FSHR: variants seen among roughly 807,000 people sequenced by gnomAD.
FSHR encodes the protein follicle stimulating hormone receptor, also known as follicle-stimulating hormone receptor.
In FSHR, 46 loss-of-function variants were observed where a neutral mutation model predicts 52.1. That is an observed-to-expected ratio of 0.88 (90% confidence interval 0.70 to 1.13). FSHR has a LOEUF of 1.13. FSHR is among the 50% of genes most tolerant of loss of function. The pLI, the probability that FSHR is intolerant of heterozygous loss-of-function variation, is 0.00. For synonymous variants in FSHR, 399 were observed against 309.6 expected, an observed-to-expected ratio of 1.29 and a Z score of -3.03; for missense variants, 964 against 834.6, an observed-to-expected ratio of 1.16 and a Z score of -1.91.
chr2:49,140,765 G>C lies in FSHR; in HGVS notation c.152+13501C>G, dbSNP rs145230371. 4.5e-3 allele frequency among the ~76,000 whole-genome samples: 677 copies of C among 151,834 alleles called. 16 individuals are homozygous for C. The highest frequency in any genetic ancestry group is 0.035 in the Admixed American group (532 of 15,252). The stretch of plus-strand genomic sequence containing the variant: ...ACATCTAGAAATAAATCTTAGAAAA[G>C]GCTATGAGGTCATGATAGATCAATA... On this transcript the variant is annotated intron_variant, in intron 1 of 9. Coordinates refer to ENST00000406846, the MANE Select transcript of FSHR (RefSeq NM_000145.4).
chr2:49,151,827 T>C (rs1673074066), intron 1 of FSHR, among the ~76,000 whole-genome samples: 1 of 152,164 alleles, frequency 6.6e-6, no homozygotes, highest in Non-Finnish European at 1.5e-5. Flanking sequence ...TCAGTCTTTT[T>C]AAGGAAGCAA....
chr2:49,032,861 C>T (rs1334281916), intron 2 of FSHR, among the ~76,000 whole-genome samples: 1 of 152,138 alleles, frequency 6.6e-6, no homozygotes, highest in Non-Finnish European at 1.5e-5. Flanking sequence ...TTCCATGATA[C>T]ATTGTCTTTA....
At chr2:48,968,649 A>G (rs764113893) in intron 9 of FSHR, 49 bp downstream of exon 9, 2 of 1,597,436 alleles carry the variant, frequency 1.3e-6, no homozygotes, top group Non-Finnish European at 1.7e-6. Context: ...TTGTGGACAA[A>G]GTTCTACATT....
intron 2 of FSHR, among the ~76,000 whole-genome samples, chr2:49,063,359 T>C (rs903120102): frequency 3.9e-5 from 6 of 152,120 alleles, no homozygotes; most frequent in African/African-American, 7.2e-5. Flanking sequence ...TGATGTTTAT[T>C]GTAGCACTAT....
chr2:49,097,907 A>G (rs11903279), intron 1 of FSHR, among the ~76,000 whole-genome samples: 3 of 152,030 alleles, frequency 2.0e-5, no homozygotes, highest in East Asian at 1.9e-4. Flanking sequence ...ATTTGCACAC[A>G]TGGATTTTTA....
chr2:49,011,666 G>T (rs998159891), intron 4 of FSHR, among the ~76,000 whole-genome samples: 7 of 151,954 alleles, frequency 4.6e-5, no homozygotes, highest in Non-Finnish European at 8.8e-5. Flanking sequence ...CAATGTTAAG[G>T]TTCCTACTTT....
At chr2:49,104,139 G>T (rs768705081) in intron 1 of FSHR, among the ~76,000 whole-genome samples, 83 of 152,124 alleles carry the variant, frequency 5.5e-4, no homozygotes, top group Non-Finnish European at 9.9e-4. Context: ...GATTAGAGTA[G>T]ATTTAATCTT....
At chr2:49,083,800 C>T (rs1012703518) in intron 1 of FSHR, among the ~76,000 whole-genome samples, 2 of 146,498 alleles carry the variant, frequency 1.4e-5, no homozygotes, top group African/African-American at 5.1e-5. Flanking sequence ...GCTAACTATC[C>T]TAAATATATA....
At chr2:49,095,412 T>C (rs1381542595) in intron 1 of FSHR, among the ~76,000 whole-genome samples, 2 of 152,124 alleles carry the variant, frequency 1.3e-5, no homozygotes, top group African/African-American at 4.8e-5. Flanking sequence ...CTGGGACAAC[T>C]AAATAGGCAC....
intron 8 of FSHR, among the ~76,000 whole-genome samples, chr2:48,972,570 C>G (rs1048293967): frequency 1.3e-5 from 2 of 152,150 alleles, no homozygotes; most frequent in African/African-American, 4.8e-5. Context: ...CTAGCCAGTT[C>G]TGTTAGTGAC....
intron 1 of FSHR, among the ~76,000 whole-genome samples, chr2:49,148,007 A>G (rs1672930822): frequency 6.6e-6 from 1 of 151,984 alleles, no homozygotes; most frequent in Non-Finnish European, 1.5e-5. Context: ...TACGACAATC[A>G]AAGTACATCT....
At chr2:49,002,865 T>C (rs1666953668) in intron 4 of FSHR, among the ~76,000 whole-genome samples, 1 of 152,134 alleles carries the variant, frequency 6.6e-6, no homozygotes, top group South Asian at 2.1e-4. Flanking sequence ...AGCTTATCCC[T>C]GATGTCTTGC....
intron 4 of FSHR, among the ~76,000 whole-genome samples, chr2:48,998,310 T>A (rs78740236): frequency 6.6e-6 from 1 of 152,130 alleles, no homozygotes; most frequent in African/African-American, 2.4e-5. Flanking sequence ...AAATCTGTGC[T>A]ATGGATAAAG....
intron 9 of FSHR, among the ~76,000 whole-genome samples, chr2:48,966,081 C>A (rs1674465829): frequency 6.6e-6 from 1 of 152,022 alleles, no homozygotes; most frequent in Non-Finnish European, 1.5e-5. Flanking sequence ...TATTTAGTAT[C>A]TCTGAGCCTT....
intron 1 of FSHR, among the ~76,000 whole-genome samples, chr2:49,096,268 C>T (rs1336623315): frequency 6.6e-6 from 1 of 151,998 alleles, no homozygotes; most frequent in Non-Finnish European, 1.5e-5. Flanking sequence ...AATGGAATAC[C>T]ACTTGGCCAT....
In FSHR at chr2:49,151,746, G is replaced by A. The variant is rs1040541429; in HGVS notation, c.152+2520C>T. ...AATACGCAAACTTGGAAGATTGTAA[G>A]GTGAATTAGAGATACTTAGTTGAAC... On this transcript the variant is annotated intron_variant, in intron 1 of 9. Transcript: ENST00000406846. Among the ~76,000 whole-genome samples the A allele has an allele frequency of 1.1e-4, 16 of 152,042 alleles. 1 individual carries two copies. Among genetic ancestry groups the A allele is most frequent in the Non-Finnish European group, 1.5e-5 (1 of 67,996 alleles).
At chr2:49,141,687 A>T (rs945556700) in intron 1 of FSHR, among the ~76,000 whole-genome samples, 1 of 152,180 alleles carries the variant, frequency 6.6e-6, no homozygotes, top group African/African-American at 2.4e-5. Context: ...GCTAATCTTC[A>T]GCTTACTATA....
intron 8 of FSHR, among the ~76,000 whole-genome samples, chr2:48,979,548 G>T (rs1449588138): frequency 6.6e-6 from 1 of 152,192 alleles, no homozygotes; most frequent in African/African-American, 2.4e-5. Context: ...ATTGCCCTCA[G>T]CTGACTTTCT....
At chr2:49,132,986 A>AAAAAAAAAAAAAAAAAAG (rs1672343708) in intron 1 of FSHR, among the ~76,000 whole-genome samples, 1 of 149,596 alleles carries the variant, frequency 6.7e-6, no homozygotes, top group African/African-American at 2.5e-5. Flanking sequence ...AAAAAAAAAA[A>AAAAAAAAAAAAAAAAAAG]AAAAAAAAAG....
Sources: allele counts gnomAD v4.1 joint callset (sites outside exome capture counted in the v4.1 genomes callset), GRCh38; gene constraint gnomAD v4.1.1; transcripts MANE v1.5; gene names NCBI Gene and HGNC (gene_info 2026-07-23, HGNC 2026-07-21).